Variants in FMN1 observed in about 807,000 individuals in gnomAD.
FMN1 encodes formin 1.
FMN1 carries 110 observed loss-of-function variants against 132.4 expected under a neutral mutation model. The ratio of observed to expected loss-of-function variants is 0.83; its 90% confidence interval spans 0.71 to 0.97. The LOEUF (loss-of-function observed/expected upper bound fraction) is 0.97. FMN1 is among the 50% of genes least tolerant of loss of function. The pLI is 0.00. For synonymous variants in FMN1, 722 were observed against 651.7 expected (o/e 1.11, Z -1.64); for missense variants, 1,792 against 1,705.3 (o/e 1.05, Z -0.90).
intron 6 of FMN1, among the ~76,000 whole-genome samples, chr15:33,021,557 G>A (rs570139186): frequency 6.6e-6 from 1 of 152,158 alleles, no homozygotes; most frequent in Admixed American, 6.5e-5. Context: ...CAGATATTGA[G>A]TCTTTATGTT....
intron 3 of FMN1, among the ~76,000 whole-genome samples, chr15:33,174,209 A>T (rs1373279040): frequency 6.6e-6 from 1 of 152,226 alleles, no homozygotes; most frequent in Non-Finnish European, 1.5e-5. Context: ...AGAAAAGAAA[A>T]GCAAAAACAT....
intron 9 of FMN1, among the ~76,000 whole-genome samples, chr15:32,960,553 C>A (rs143065234): frequency 2.0e-5 from 3 of 151,980 alleles, no homozygotes; most frequent in African/African-American, 7.3e-5. Flanking sequence ...GATTTTTATC[C>A]GTAATTGAAG....
chr15:32,774,426 T>C (rs2056350139), intron 20 of FMN1, 72 bp from the exon 21 acceptor site: 1 of 1,381,552 alleles, frequency 7.2e-7, no homozygotes, highest in Non-Finnish European at 1.0e-6. Flanking sequence ...TTCTCAAATT[T>C]TGGTCTAGAA....
At chr15:33,005,749 C>T (rs1356052259) in intron 7 of FMN1, among the ~76,000 whole-genome samples, 1 of 152,178 alleles carries the variant, frequency 6.6e-6, no homozygotes, top group Non-Finnish European at 1.5e-5. Context: ...TACAGAATCA[C>T]TTCTGTTCCT....
chr15:33,060,362 T>TA (rs2037427469), intron 6 of FMN1, among the ~76,000 whole-genome samples: 1 of 152,184 alleles, frequency 6.6e-6, no homozygotes, highest in South Asian at 2.1e-4. Flanking sequence ...CTTTGACTGA[T>TA]AAAGCAAGGA....
intron 4 of FMN1, among the ~76,000 whole-genome samples, chr15:33,108,391 G>A (rs1381245549): frequency 6.6e-6 from 1 of 152,018 alleles, no homozygotes; most frequent in Non-Finnish European, 1.5e-5. Context: ...CATGAGTAGG[G>A]AAAGGAGATA....
At chr15:33,028,232 T>A (rs2035771808) in intron 6 of FMN1, among the ~76,000 whole-genome samples, 1 of 152,128 alleles carries the variant, frequency 6.6e-6, no homozygotes, top group East Asian at 1.9e-4. Flanking sequence ...ACATCCAAAG[T>A]CAAGAACTGC....
At chr15:32,889,681 C>T (rs1414128311) in intron 15 of FMN1, among the ~76,000 whole-genome samples, 1 of 152,014 alleles carries the variant, frequency 6.6e-6, no homozygotes, top group African/African-American at 2.4e-5. Context: ...AAACGTCCTT[C>T]CTTAAAGATT....
At chr15:32,783,287 A>G (rs1293620508) in intron 19 of FMN1, among the ~76,000 whole-genome samples, 1 of 152,250 alleles carries the variant, frequency 6.6e-6, no homozygotes, top group East Asian at 1.9e-4. Flanking sequence ...TGAAAACTTT[A>G]TCTTTTCCTC....
intron 4 of FMN1, among the ~76,000 whole-genome samples, chr15:33,146,650 G>A (rs1170554276): frequency 6.6e-6 from 1 of 152,172 alleles, no homozygotes; most frequent in African/African-American, 2.4e-5. Flanking sequence ...GGAACTCCAA[G>A]GGGATGGTAT....
chr15:32,964,224 T>A lies in FMN1; in HGVS notation c.3021A>T (p.Leu1007Phe). The change falls in exon 9 of 21, where the codon TTA becomes TTT. Residue 1007 changes from leucine to phenylalanine, a missense_variant. Leu to Phe is a conservative substitution (Grantham distance 22). Coordinates refer to ENST00000616417, the MANE Select transcript of FMN1 (RefSeq NM_001277313.2). Reference protein sequence around the residue: ...QNATPTLWDSLEEPDIRDPSE... With the variant: ...QNATPTLWDSFEEPDIRDPSE... ...TGGGGTCCCGAATGTCAGGTTCTTC[T>A]AAGGAGTCCCATAAGGTTGGTGTAG... 2 of 1,611,494 alleles carry A rather than the reference T, an allele frequency of 1.2e-6. No individual in the cohort carries two copies. Among genetic ancestry groups the A allele is most frequent in the Non-Finnish European group, 1.7e-6 (2 of 1,178,422 alleles).
chr15:33,105,990 T>C (rs989031478), intron 4 of FMN1: 1 of 152,040 alleles, frequency 6.6e-6, no homozygotes, highest in Non-Finnish European at 1.5e-5. Context: ...AGCTGGAAAG[T>C]ACCCCTTAGA....
chr15:32,787,974 T>G (rs1362431842), intron 19 of FMN1, among the ~76,000 whole-genome samples: 1 of 152,244 alleles, frequency 6.6e-6, no homozygotes, highest in Non-Finnish European at 1.5e-5. Flanking sequence ...TATTTAAAAG[T>G]AAAAAACTTC....
intron 4 of FMN1, among the ~76,000 whole-genome samples, chr15:33,117,083 G>A (rs1283065745): frequency 6.6e-6 from 1 of 152,092 alleles, no homozygotes; most frequent in Admixed American, 6.6e-5. Context: ...TTGAAATAAA[G>A]TTAGCCTCAG....
chr15:32,929,074 G>A (rs559504980), intron 9 of FMN1, among the ~76,000 whole-genome samples: 1 of 152,196 alleles, frequency 6.6e-6, no homozygotes, highest in African/African-American at 2.4e-5. Context: ...GCACAACCAG[G>A]TATTTGCTGA....
intron 5 of FMN1, among the ~76,000 whole-genome samples, chr15:33,079,029 T>C (rs1432183591): frequency 6.6e-6 from 1 of 152,226 alleles, no homozygotes; most frequent in African/African-American, 2.4e-5. Flanking sequence ...TAAAGTATTT[T>C]AGTGGCAATA....
rs575029482 is a variant in FMN1 at position 32,974,202 on chromosome 15, G to A, written c.2224-4725C>T. ...ACCAATGTTCTTTAGGACATATAAAGAAAGTCTCAAGATTTCCCCTCTCTC... is the reference window on the plus strand; with the variant it reads ...ACCAATGTTCTTTAGGACATATAAAAAAAGTCTCAAGATTTCCCCTCTCTC... On this transcript the variant is annotated intron_variant, in intron 7 of 20. Transcript: ENST00000616417. 1.4e-4 allele frequency among the ~76,000 whole-genome samples: 21 copies of A among 152,240 alleles called. No individual in the cohort carries two copies. The South Asian group carries it at 4.4e-3, about 32-fold the overall frequency.
At chr15:33,008,232 T>C (rs1371571715) in intron 6 of FMN1, among the ~76,000 whole-genome samples, 157 bp from the exon 7 acceptor site, 1 of 152,156 alleles carries the variant, frequency 6.6e-6, no homozygotes, top group Non-Finnish European at 1.5e-5. Flanking sequence ...ATAGGACAAG[T>C]AGTTCAGGGT....
chr15:33,140,974 T>C (rs1313028864), intron 4 of FMN1, among the ~76,000 whole-genome samples: 1 of 152,222 alleles, frequency 6.6e-6, no homozygotes, highest in Non-Finnish European at 1.5e-5. Context: ...GTGAATTGAC[T>C]ATCTCCTTTG....
Sources: allele counts gnomAD v4.1 joint callset (sites outside exome capture counted in the v4.1 genomes callset), GRCh38; gene constraint gnomAD v4.1.1; transcripts MANE v1.5; gene names NCBI Gene and HGNC (gene_info 2026-07-23, HGNC 2026-07-21).